Variants in CCDC178 observed in about 807,000 individuals in gnomAD.
CCDC178 encodes coiled-coil domain containing 178.
CCDC178 carries 126 observed loss-of-function variants against 117.4 expected under a neutral mutation model. That is an observed-to-expected ratio of 1.07 (90% confidence interval 0.93 to 1.24). CCDC178 has a LOEUF of 1.24. Among genes scored for constraint, CCDC178 ranks in the 50% most tolerant of loss-of-function variants. CCDC178 has a pLI of 0.00. For missense variants in CCDC178, 1,030 were observed against 986.9 expected (o/e 1.04, Z -0.59); for synonymous variants, 283 against 313.4 (o/e 0.90, Z 1.02).
At chr18:33,416,383 C>T (rs1045695125) in intron 2 of CCDC178, among the ~76,000 whole-genome samples, 5 of 150,906 alleles carry the variant, frequency 3.3e-5, no homozygotes, top group East Asian at 2.0e-4. Context: ...GCAGAGATCG[C>T]GCCACTGCAC....
At chr18:33,095,374 A>G (rs539313393) in intron 20 of CCDC178, among the ~76,000 whole-genome samples, 8 of 152,022 alleles carry the variant, frequency 5.3e-5, no homozygotes, top group Non-Finnish European at 1.2e-4. Context: ...TTACTTGGTG[A>G]TGGTTTGTTC....
At position 33,361,570 on chromosome 18, in the gene CCDC178, G is replaced by A. The variant is rs532994585; in HGVS notation, c.349-5224C>T. ...TAATTGGAAACCACATATCTGATAA[G>A]GAGTTAATATGAAAAATGTATTAAA... On this transcript the variant is annotated intron_variant, in intron 6 of 22. Transcript: ENST00000383096. Among the ~76,000 whole-genome samples the A allele has an allele frequency of 5.9e-5, 9 of 151,674 alleles. No individual in the cohort carries two copies. The South Asian group carries it at 1.7e-3, about 28-fold the overall frequency.
chr18:33,405,729 G>A (rs1256916142), intron 3 of CCDC178, among the ~76,000 whole-genome samples: 1 of 151,994 alleles, frequency 6.6e-6, no homozygotes, highest in Non-Finnish European at 1.5e-5. Context: ...CAAAAATGAA[G>A]GGAGAAATTT....
intron 9 of CCDC178, among the ~76,000 whole-genome samples, chr18:33,337,340 T>A (rs528630220): frequency 6.6e-6 from 1 of 152,220 alleles, no homozygotes; most frequent in South Asian, 2.1e-4. Context: ...TATACGCTCA[T>A]GTCATCAGCA....
intron 11 of CCDC178, 90 bp from the exon 12 acceptor site, chr18:33,293,402 T>A: frequency 1.3e-6 from 1 of 764,274 alleles, no homozygotes; most frequent in South Asian, 2.2e-5. Flanking sequence ...GGCTCATGCC[T>A]GTAATCTCAG....
intron 15 of CCDC178, among the ~76,000 whole-genome samples, chr18:33,228,114 T>C (rs16964453): frequency 0.065 from 9,855 of 152,252 alleles, 517 homozygotes; most frequent in African/African-American, 0.14. Context: ...TTTGTTGTGT[T>C]TTATGTGTTA....
intron 20 of CCDC178, among the ~76,000 whole-genome samples, chr18:33,186,800 G>A (rs948557520): frequency 6.6e-6 from 1 of 151,988 alleles, no homozygotes; most frequent in Admixed American, 6.6e-5. Flanking sequence ...TTCTAGATTA[G>A]AAGTGACCAA....
chr18:33,339,809 A>G (rs1424879619), intron 9 of CCDC178, among the ~76,000 whole-genome samples: 1 of 151,978 alleles, frequency 6.6e-6, no homozygotes, highest in Non-Finnish European at 1.5e-5. Context: ...GCCTTTCACC[A>G]CCGGTCATAA....
At chr18:33,047,158 T>A (rs1271030763) in intron 21 of CCDC178, among the ~76,000 whole-genome samples, 3 of 152,136 alleles carry the variant, frequency 2.0e-5, no homozygotes, top group African/African-American at 7.2e-5. Context: ...AGCAAAGATG[T>A]CACAACTTAC....
rs1463010708 is a variant in CCDC178, at chr18:33,281,117, A to AATAATAATAATAATAATAATAAT, written c.1176+12041_1176+12042insATTATTATTATTATTATTATTAT. Among the ~76,000 whole-genome samples, 329 of 124,964 alleles carry AATAATAATAATAATAATAATAAT rather than the reference A, an allele frequency of 2.6e-3. 1 individual carries two copies. The highest frequency in any genetic ancestry group is 8.5e-3 in the African/African-American group (303 of 35,550). 82.0% of individuals were successfully genotyped at this position (124,964 alleles called of 152,430 possible). On this transcript the variant is annotated intron_variant, in intron 12 of 22. Transcript: ENST00000383096. The stretch of plus-strand genomic sequence containing the variant: ...TAAAGTATAATAATAATAATAATAA[A>AATAATAATAATAATAATAATAAT]GAAACACACACACAAAAAATAAATA...
chr18:33,252,322 G>A (rs956361442), intron 14 of CCDC178, among the ~76,000 whole-genome samples: 1 of 151,486 alleles, frequency 6.6e-6, no homozygotes, highest in Non-Finnish European at 1.5e-5. Context: ...GTAGAAAGTA[G>A]GAATAGAAAG....
At chr18:33,375,959 G>T (rs2144776166) in intron 5 of CCDC178, among the ~76,000 whole-genome samples, 1 of 152,174 alleles carries the variant, frequency 6.6e-6, no homozygotes, top group East Asian at 1.9e-4. Context: ...AAAAGCTTTA[G>T]GACAGTAAGG....
intron 20 of CCDC178, among the ~76,000 whole-genome samples, chr18:33,148,656 C>A (rs184470628): frequency 6.6e-6 from 1 of 152,074 alleles, no homozygotes; most frequent in Non-Finnish European, 1.5e-5. Context: ...TATCCCATTT[C>A]CACAATGAAA....
chr18:33,326,173 A>T (rs2062581725), intron 10 of CCDC178, among the ~76,000 whole-genome samples: 1 of 152,178 alleles, frequency 6.6e-6, no homozygotes, highest in African/African-American at 2.4e-5. Context: ...TATAGGGGAC[A>T]GCTTATGGGT....
intron 20 of CCDC178, among the ~76,000 whole-genome samples, chr18:33,181,818 C>T (rs1463364522): frequency 6.6e-6 from 1 of 151,690 alleles, no homozygotes; most frequent in African/African-American, 2.4e-5. Context: ...TAATTTCTTT[C>T]AAAGGCTACC....
At chr18:33,094,008 C>T (rs1048666582) in intron 20 of CCDC178, among the ~76,000 whole-genome samples, 1 of 151,808 alleles carries the variant, frequency 6.6e-6, no homozygotes, top group East Asian at 1.9e-4. Flanking sequence ...AAATATGTTG[C>T]CATGCGAGAA....
chr18:33,199,183 T>C (rs757392607), intron 20 of CCDC178, among the ~76,000 whole-genome samples: 9 of 152,152 alleles, frequency 5.9e-5, no homozygotes, highest in Non-Finnish European at 8.8e-5. Context: ...GGGACCCATA[T>C]ACTAGAAGGT....
At chr18:33,201,850 G>A (rs2058992792) in intron 20 of CCDC178, among the ~76,000 whole-genome samples, 1 of 152,150 alleles carries the variant, frequency 6.6e-6, no homozygotes, top group Non-Finnish European at 1.5e-5. Context: ...GGTGACAAAG[G>A]AGAAACGTTG....
At chr18:33,123,063 A>G (rs2057958903) in intron 20 of CCDC178, among the ~76,000 whole-genome samples, 1 of 152,184 alleles carries the variant, frequency 6.6e-6, no homozygotes, top group Non-Finnish European at 1.5e-5. Context: ...ACAGGGTACC[A>G]TTTTGAGTTT....
Sources: gnomAD v4.1 joint callset for allele counts (sites outside exome capture counted in the v4.1 genomes callset) on GRCh38, gnomAD v4.1.1 for gene constraint, MANE v1.5 for transcripts, NCBI Gene and HGNC (gene_info 2026-07-23, HGNC 2026-07-21) for gene names.